Variants in IFT43 observed in about 807,000 individuals in gnomAD.
IFT43 encodes intraflagellar transport 43.
Under a neutral mutation model 32.3 loss-of-function variants are expected in IFT43, and 33 were observed. The observed-to-expected ratio is 1.02, with a 90% CI of 0.77 to 1.37. IFT43 has a LOEUF of 1.37. IFT43 is among the 40% of genes most tolerant of loss of function. IFT43 has a pLI of 0.00. For missense variants in IFT43, 274 were observed against 265.9 expected (o/e 1.03, Z -0.21); for synonymous variants, 93 against 98.2 (o/e 0.95, Z 0.31).
chr14:76,071,731 A>T (rs912455493), intron 5 of IFT43, among the ~76,000 whole-genome samples: 3 of 152,178 alleles, frequency 2.0e-5, no homozygotes, highest in Non-Finnish European at 4.4e-5. Context: ...TTTCTTTTTA[A>T]TATAATTTAA....
chr14:76,019,247 A>C (rs2036246588), intron 2 of IFT43, among the ~76,000 whole-genome samples: 1 of 151,440 alleles, frequency 6.6e-6, no homozygotes, highest in South Asian at 2.1e-4. Flanking sequence ...CATATGTAGG[A>C]CTCCCTTAAT....
chr14:76,053,751 T>C (rs945278109), intron 3 of IFT43, among the ~76,000 whole-genome samples: 3 of 152,214 alleles, frequency 2.0e-5, no homozygotes, highest in Admixed American at 2.0e-4. Flanking sequence ...ACCTGGCATT[T>C]AATTAACTTT....
chr14:76,058,620 G>C (rs1029712968), intron 3 of IFT43, 22 bp from the exon 4 acceptor site: 1 of 1,595,680 alleles, frequency 6.3e-7, no homozygotes, highest in Non-Finnish European at 8.5e-7. Flanking sequence ...CAAAAACCTT[G>C]TCTTTTCTTT....
intron 2 of IFT43, among the ~76,000 whole-genome samples, chr14:76,021,284 T>A (rs2036286408): frequency 2.6e-5 from 4 of 152,154 alleles, no homozygotes. Context: ...GGTGTAGGCC[T>A]CTTGAGTAGA....
Position 76,083,287 on chromosome 14 carries a change from G to A in IFT43, c.505G>A (p.Glu169Lys), listed in dbSNP as rs778747006. The A allele has an allele frequency of 3.7e-6, 6 of 1,613,574 alleles. No individual in the cohort carries two copies. In the South Asian group the frequency reaches 4.4e-5, roughly 12 times the overall value. Residue 169 changes from glutamate to lysine, a missense_variant and splice_region_variant, in exon 8 of 9, where the codon GAG becomes AAG. Glu to Lys is a moderately conservative substitution (Grantham distance 56). Transcript: ENST00000314067. ...GCTCGCGCCGGAGCACGAAGTCCGG[G>A]AGGTACAGTGGTGGCAGCAATTCCC... ...KVLAPEHEVREDDVGWDWDHL... is the reference protein window; with the variant it reads ...KVLAPEHEVRKDDVGWDWDHL...
chr14:76,014,849 T>C (rs903041658), intron 2 of IFT43, among the ~76,000 whole-genome samples: 3 of 152,142 alleles, frequency 2.0e-5, no homozygotes, highest in Non-Finnish European at 4.4e-5. Flanking sequence ...AGCTTCACCT[T>C]TGGACCCTGG....
intron 3 of IFT43, among the ~76,000 whole-genome samples, chr14:76,033,524 T>C (rs984568864): frequency 6.6e-6 from 1 of 152,158 alleles, no homozygotes; most frequent in African/African-American, 2.4e-5. Flanking sequence ...CTTCTTTTTT[T>C]TTCCATTCTT....
At chr14:76,067,395 G>A (rs1219305354) in intron 5 of IFT43, among the ~76,000 whole-genome samples, 1 of 151,936 alleles carries the variant, frequency 6.6e-6, no homozygotes, top group African/African-American at 2.4e-5. Context: ...GTGAAATCTT[G>A]TCTCTACTAA....
intron 3 of IFT43, among the ~76,000 whole-genome samples, chr14:76,033,425 C>T (rs1180521252): frequency 6.6e-6 from 1 of 152,110 alleles, no homozygotes; most frequent in African/African-American, 2.4e-5. Flanking sequence ...TAGTTTTCCT[C>T]CAAAACAGAC....
chr14:75,994,417 A>AT (rs2035703911), intron 2 of IFT43, among the ~76,000 whole-genome samples: 1 of 152,196 alleles, frequency 6.6e-6, no homozygotes, highest in Admixed American at 6.5e-5. Flanking sequence ...TAACTGTCTA[A>AT]TTTTAAAATT....
At chr14:76,020,937 G>T (rs2036278491) in intron 2 of IFT43, among the ~76,000 whole-genome samples, 1 of 152,174 alleles carries the variant, frequency 6.6e-6, no homozygotes, top group Admixed American at 6.5e-5. Context: ...TGCAAGCTGG[G>T]TAGACTGGCC....
intron 5 of IFT43, among the ~76,000 whole-genome samples, chr14:76,074,820 C>T (rs1057038561): frequency 2.0e-5 from 3 of 152,196 alleles, no homozygotes; most frequent in African/African-American, 7.2e-5. Flanking sequence ...AGCCAGATCA[C>T]AACTGTGCTG....
chr14:76,024,668 G>C (rs1483902830), intron 3 of IFT43, among the ~76,000 whole-genome samples: 1 of 152,220 alleles, frequency 6.6e-6, no homozygotes, highest in Non-Finnish European at 1.5e-5. Flanking sequence ...TGAGTTTTAT[G>C]GTTCTAAAAC....
intron 1 of IFT43, 108 bp from the exon 2 acceptor site, chr14:75,988,777 C>T: frequency 6.4e-7 from 1 of 1,562,116 alleles, no homozygotes; most frequent in Non-Finnish European, 8.7e-7. Flanking sequence ...CTCGTCCTCC[C>T]AAAGTGCTGG....
chr14:76,029,524 A>T (rs933856100), intron 3 of IFT43, among the ~76,000 whole-genome samples: 8 of 152,166 alleles, frequency 5.3e-5, no homozygotes, highest in Admixed American at 5.2e-4. Flanking sequence ...CTTGGTTATA[A>T]ATTCTTTGCC....
chr14:76,083,331 A>C, intron 8 of IFT43, 42 bp downstream of exon 8: 1 of 1,610,432 alleles, frequency 6.2e-7, no homozygotes, highest in Non-Finnish European at 8.5e-7. Flanking sequence ...CAGCTCTGGC[A>C]TTCCCATAAC....
intron 3 of IFT43, among the ~76,000 whole-genome samples, chr14:76,056,275 G>A (rs2037013156): frequency 6.6e-6 from 1 of 152,196 alleles, no homozygotes; most frequent in South Asian, 2.1e-4. Flanking sequence ...CCACCTGAGG[G>A]CATCCCTGCT....
At chr14:75,997,579 A>C (rs1473788316) in intron 2 of IFT43, among the ~76,000 whole-genome samples, 1 of 152,242 alleles carries the variant, frequency 6.6e-6, no homozygotes, top group African/African-American at 2.4e-5. Flanking sequence ...TTTTGGAGTA[A>C]ATAGACCACT....
intron 5 of IFT43, among the ~76,000 whole-genome samples, chr14:76,064,428 G>A (rs1313850469): frequency 6.6e-6 from 1 of 152,214 alleles, no homozygotes; most frequent in Admixed American, 6.5e-5. Flanking sequence ...TTGTACCCAA[G>A]GACTGAAGGA....
Sources: gnomAD v4.1 joint callset for allele counts (sites outside exome capture counted in the v4.1 genomes callset) on GRCh38, gnomAD v4.1.1 for gene constraint, MANE v1.5 for transcripts, NCBI Gene and HGNC (gene_info 2026-07-23, HGNC 2026-07-21) for gene names.